GRM5: variants seen among roughly 807,000 people sequenced by gnomAD.
GRM5 encodes metabotropic glutamate receptor 5.
GRM5 carries 19 observed loss-of-function variants against 83.1 expected under a neutral mutation model. That is an observed-to-expected ratio of 0.23 (90% CI 0.16 to 0.34). GRM5 has a LOEUF of 0.34. Ranked by LOEUF, GRM5 falls within the 10% of genes least tolerant of loss-of-function variation. GRM5 has a pLI of 1.00. For synonymous variants in GRM5, 675 were observed against 633.6 expected (o/e 1.07, Z -0.98); for missense variants, 1,160 against 1,588.3 (o/e 0.73, Z 4.58).
intron 8 of GRM5, among the ~76,000 whole-genome samples, chr11:88,539,339 A>G (rs1942211426): frequency 6.6e-6 from 1 of 152,208 alleles, no homozygotes; most frequent in Non-Finnish European, 1.5e-5. Context: ...CTTGTTTACC[A>G]GAGTTTGCCT....
At chr11:88,944,957 A>C (rs1445261927) in intron 2 of GRM5, among the ~76,000 whole-genome samples, 1 of 152,004 alleles carries the variant, frequency 6.6e-6, no homozygotes, top group Non-Finnish European at 1.5e-5. Flanking sequence ...CTATGTCTAG[A>C]AAACCATAAA....
intron 2 of GRM5, among the ~76,000 whole-genome samples, chr11:88,882,096 C>A (rs1435483779): frequency 6.6e-6 from 1 of 151,826 alleles, no homozygotes; most frequent in African/African-American, 2.4e-5. Flanking sequence ...ACACAATTAG[C>A]TGGGTGGGGT....
chr11:88,886,220 C>T (rs190688549), intron 2 of GRM5, among the ~76,000 whole-genome samples: 19 of 152,302 alleles, frequency 1.2e-4, no homozygotes, highest in Non-Finnish European at 2.4e-4. Flanking sequence ...TGCTCGTAAA[C>T]TTCTCATATG....
chr11:88,524,188 C>CTTTT (rs1458681193), intron 9 of GRM5: 1 of 104,340 alleles, frequency 9.6e-6, no homozygotes, highest in African/African-American at 4.1e-5. Context: ...TTTCTTTTTT[C>CTTTT]TTTTTCTTTC....
At chr11:88,988,407 G>T (rs1449314443) in intron 2 of GRM5, among the ~76,000 whole-genome samples, 1 of 151,824 alleles carries the variant, frequency 6.6e-6, no homozygotes, top group East Asian at 1.9e-4. Context: ...AAGTGACGGG[G>T]AGAATGGAAC....
intron 4 of GRM5, among the ~76,000 whole-genome samples, chr11:88,647,310 G>A (rs967001297): frequency 6.6e-6 from 1 of 151,992 alleles, no homozygotes; most frequent in African/African-American, 2.4e-5. Flanking sequence ...AAGGTAGCAA[G>A]TGGTAATTCA....
intron 2 of GRM5, among the ~76,000 whole-genome samples, chr11:88,965,505 A>T (rs1350605775): frequency 6.6e-6 from 1 of 152,166 alleles, no homozygotes; most frequent in Non-Finnish European, 1.5e-5. Context: ...ATAAACATTC[A>T]GTCCATTGTA....
chr11:88,560,971 T>C (rs189802263), intron 8 of GRM5, among the ~76,000 whole-genome samples: 46 of 152,192 alleles, frequency 3.0e-4, no homozygotes, highest in Middle Eastern at 3.4e-3. Flanking sequence ...ATCTGTGAGA[T>C]GGGTAAATCT....
chr11:88,718,610 CT>C (rs1941453627), intron 3 of GRM5, among the ~76,000 whole-genome samples: 1 of 151,934 alleles, frequency 6.6e-6, no homozygotes, highest in Non-Finnish European at 1.5e-5. Flanking sequence ...GCATTGTCAT[CT>C]TTTAATCCTT....
intron 3 of GRM5, among the ~76,000 whole-genome samples, chr11:88,764,634 A>G (rs10831385): frequency 0.72 from 108,880 of 151,354 alleles, 39,609 homozygotes; most frequent in Non-Finnish European, 0.75. Flanking sequence ...TCACAGGGGA[A>G]ATTGGAAAAT....
intron 4 of GRM5, among the ~76,000 whole-genome samples, chr11:88,608,836 T>C (rs1291193626): frequency 2.0e-5 from 3 of 152,148 alleles, no homozygotes; most frequent in Non-Finnish European, 2.9e-5. Context: ...ATTTTCTTTT[T>C]TGTTTTCTAC....
At chr11:88,805,577 G>T (rs1324979381) in intron 3 of GRM5, among the ~76,000 whole-genome samples, 3 of 152,134 alleles carry the variant, frequency 2.0e-5, no homozygotes, top group Non-Finnish European at 4.4e-5. Flanking sequence ...CATCTTCATA[G>T]CTTTACTAAT....
intron 3 of GRM5, among the ~76,000 whole-genome samples, chr11:88,670,911 A>G (rs531795389): frequency 2.5e-4 from 38 of 152,172 alleles, no homozygotes; most frequent in Non-Finnish European, 4.3e-4. Flanking sequence ...ACAACTGAAT[A>G]TAAGCATACA....
At chr11:88,817,045 A>T (rs1277107097) in intron 3 of GRM5, among the ~76,000 whole-genome samples, 2 of 152,168 alleles carry the variant, frequency 1.3e-5, no homozygotes, top group Non-Finnish European at 2.9e-5. Flanking sequence ...AAAAAACTTC[A>T]AATTTTATTG....
At chr11:88,647,472 G>A (rs1311423478) in intron 4 of GRM5, among the ~76,000 whole-genome samples, 1 of 151,982 alleles carries the variant, frequency 6.6e-6, no homozygotes, top group African/African-American at 2.4e-5. Context: ...TGCTGATTCT[G>A]GGGGCTACAA....
At chr11:88,961,973 TA>T (rs999329198) in intron 2 of GRM5, among the ~76,000 whole-genome samples, 9 of 152,212 alleles carry the variant, frequency 5.9e-5, no homozygotes, top group African/African-American at 2.2e-4. Context: ...CCAGTCACAT[TA>T]TATAATGTCT....
In GRM5 at chr11:89,047,049, T is replaced by A. The variant is rs1237592744; in HGVS notation, c.661+163A>T. Among the ~76,000 whole-genome samples, 1 of 152,210 alleles carries A rather than the reference T, an allele frequency of 6.6e-6. No homozygotes were observed. Among genetic ancestry groups the A allele is most frequent in the Admixed American group, 6.5e-5 (1 of 15,274 alleles). Reference sequence around the variant, plus strand: ...CACCCTTCTGTAGTTTAAGTCTTTGTCTCTCTAGATATATGCCATCCAGTC... The same window carrying A: ...CACCCTTCTGTAGTTTAAGTCTTTGACTCTCTAGATATATGCCATCCAGTC... On this transcript the variant is annotated intron_variant, in intron 2 of 9. Coordinates refer to ENST00000305447, the MANE Select transcript of GRM5 (RefSeq NM_001143831.3). This position sits in a 1 kb window ranked among gnomAD's most constrained non-coding sequence, Gnocchi z 5.1.
chr11:88,880,281 T>A (rs1300854128), intron 2 of GRM5, among the ~76,000 whole-genome samples: 1 of 152,048 alleles, frequency 6.6e-6, no homozygotes, highest in East Asian at 1.9e-4. Flanking sequence ...GCGTAAATAT[T>A]AGGTAGAGCA....
At chr11:88,916,263 G>T (rs900157513) in intron 2 of GRM5, among the ~76,000 whole-genome samples, 2 of 152,114 alleles carry the variant, frequency 1.3e-5, no homozygotes, top group African/African-American at 2.4e-5. Context: ...ATGAAAGAAG[G>T]TAGGAAAGAC....
Sources: allele counts gnomAD v4.1 joint callset (sites outside exome capture counted in the v4.1 genomes callset), GRCh38; gene constraint gnomAD v4.1.1; non-coding constraint Gnocchi (gnomAD v3.1); transcripts MANE v1.5; gene names NCBI Gene and HGNC (gene_info 2026-07-23, HGNC 2026-07-21).